Variants in NXPE4 observed in about 807,000 individuals in gnomAD.
NXPE4 encodes the protein neurexophilin and PC-esterase domain family member 4.
NXPE4 carries 42 observed loss-of-function variants against 33.3 expected under a neutral mutation model. The ratio of observed to expected loss-of-function variants is 1.26; its 90% confidence interval spans 0.98 to 1.63. NXPE4 has a LOEUF of 1.63. Among genes scored for constraint, NXPE4 ranks in the 40% most tolerant of loss-of-function variants. NXPE4 has a pLI of 0.00. For synonymous variants in NXPE4, 253 were observed against 234.9 expected, an observed-to-expected ratio of 1.08 and a Z score of -0.71; for missense variants, 709 against 647.6, an observed-to-expected ratio of 1.09 and a Z score of -1.03.
chr11:114,640,582 A>C, the NXPE4 span, among the ~76,000 whole-genome samples: 1 of 151,920 alleles, frequency 6.6e-6, no homozygotes, highest in African/African-American at 2.4e-5. Context: ...CACAATGCAT[A>C]AGTGTTCCCT....
chr11:114,628,821 A>G, the NXPE4 span, among the ~76,000 whole-genome samples: 1 of 152,000 alleles, frequency 6.6e-6, no homozygotes, highest in Non-Finnish European at 1.5e-5. Context: ...TAGACGCAAT[A>G]AAAAATGATA....
chr11:114,618,785 G>A, the NXPE4 span, among the ~76,000 whole-genome samples: 1 of 152,048 alleles, frequency 6.6e-6, no homozygotes, highest in East Asian at 1.9e-4. Context: ...AAAAAGTGTT[G>A]CCTCGTGGGA....
chr11:114,650,753 T>C, the NXPE4 span, among the ~76,000 whole-genome samples: 2 of 151,976 alleles, frequency 1.3e-5, no homozygotes, highest in Non-Finnish European at 2.9e-5. Flanking sequence ...CAGAGTGCGG[T>C]TGCCACAAGA....
At chr11:114,658,238 C>A in the NXPE4 span, among the ~76,000 whole-genome samples, 156 of 152,304 alleles carry the variant, frequency 1.0e-3, 1 homozygote, top group Admixed American at 8.3e-3. Context: ...TACTGACTCA[C>A]TTTTGAAAAG....
At chr11:114,581,471 T>A (rs1006893864) in intron 4 of NXPE4, among the ~76,000 whole-genome samples, 3 of 152,170 alleles carry the variant, frequency 2.0e-5, no homozygotes, top group Non-Finnish European at 4.4e-5. Context: ...AAGGTTGTTG[T>A]ATAAAATGGG....
the NXPE4 span, among the ~76,000 whole-genome samples, chr11:114,608,192 A>G: frequency 1.3e-5 from 2 of 151,814 alleles, no homozygotes; most frequent in East Asian, 1.9e-4. Context: ...GTGGGTAACC[A>G]TGGTTACCCG....
At chr11:114,580,009 T>C in intron 5 of NXPE4, 123 bp downstream of exon 5, 1 of 789,828 alleles carries the variant, frequency 1.3e-6, no homozygotes, top group Non-Finnish European at 2.1e-6. Context: ...TTGTGAAAAA[T>C]TTTGGTGTGT....
chr11:114,585,217 G>C (rs932217574), intron 2 of NXPE4, among the ~76,000 whole-genome samples: 3 of 151,640 alleles, frequency 2.0e-5, no homozygotes, highest in East Asian at 2.0e-4. Flanking sequence ...TGGTAGTCTA[G>C]TCTCCTGCCA....
At chr11:114,650,424 C>A in the NXPE4 span, among the ~76,000 whole-genome samples, 1 of 152,238 alleles carries the variant, frequency 6.6e-6, no homozygotes, top group Non-Finnish European at 1.5e-5. Flanking sequence ...CAGAGAAGAC[C>A]AGGAGATTGA....
At chr11:114,632,526 G>C in the NXPE4 span, among the ~76,000 whole-genome samples, 1 of 113,116 alleles carries the variant, frequency 8.8e-6, no homozygotes, top group Non-Finnish European at 1.7e-5. Flanking sequence ...ATTATATTTT[G>C]CTATATATTT....
At chr11:114,667,517 G>A in the NXPE4 span, among the ~76,000 whole-genome samples, 3 of 152,112 alleles carry the variant, frequency 2.0e-5, no homozygotes, top group African/African-American at 4.8e-5. Flanking sequence ...TAATGGATTT[G>A]TCTTGCTTCT....
intron 2 of NXPE4, 131 bp from the exon 3 acceptor site, chr11:114,583,152 T>G: frequency 2.1e-6 from 2 of 972,418 alleles, no homozygotes; most frequent in Non-Finnish European, 3.1e-6. Context: ...TTTTGAATAT[T>G]GATTTACATA....
chr11:114,590,427 G>A (rs900511699), intron 2 of NXPE4, among the ~76,000 whole-genome samples: 1 of 152,098 alleles, frequency 6.6e-6, no homozygotes, highest in African/African-American at 2.4e-5. Flanking sequence ...AGATTTTGGG[G>A]CATTACAGGA....
At chr11:114,609,399 G>T in the NXPE4 span, among the ~76,000 whole-genome samples, 4 of 151,828 alleles carry the variant, frequency 2.6e-5, no homozygotes, top group East Asian at 5.8e-4. Flanking sequence ...TTGCATCGCT[G>T]GTAACCACTG....
At chr11:114,654,286 C>T in the NXPE4 span, among the ~76,000 whole-genome samples, 8 of 152,122 alleles carry the variant, frequency 5.3e-5, no homozygotes, top group African/African-American at 1.9e-4. Flanking sequence ...ACATGCTCTG[C>T]CACATTCAAG....
the NXPE4 span, among the ~76,000 whole-genome samples, chr11:114,663,591 A>G: frequency 1.2e-5 from 1 of 86,776 alleles, no homozygotes; most frequent in Non-Finnish European, 2.4e-5. Context: ...TCTATCATCT[A>G]TCTATCTATC....
At chr11:114,628,903 A>G in the NXPE4 span, among the ~76,000 whole-genome samples, 69 of 152,188 alleles carry the variant, frequency 4.5e-4, no homozygotes, top group Non-Finnish European at 6.8e-4. Flanking sequence ...CCTCTATGCA[A>G]ATAAACTAGA....
chr11:114,595,370 C>T (rs1949556414), intron 1 of NXPE4, among the ~76,000 whole-genome samples: 1 of 152,112 alleles, frequency 6.6e-6, no homozygotes, highest in Admixed American at 6.6e-5. Context: ...TCTCTTTGCA[C>T]CGGAATTCCA....
chr11:114,616,608 A>G, the NXPE4 span, among the ~76,000 whole-genome samples: 2 of 139,970 alleles, frequency 1.4e-5, no homozygotes, highest in African/African-American at 5.2e-5. Flanking sequence ...GTATTGCCTC[A>G]TGGGTAACCA....
Sources: gnomAD v4.1 joint callset for allele counts (sites outside exome capture counted in the v4.1 genomes callset) on GRCh38, gnomAD v4.1.1 for gene constraint, MANE v1.5 for transcripts, NCBI Gene and HGNC (gene_info 2026-07-23, HGNC 2026-07-21) for gene names.